COL5A3: variants seen among roughly 807,000 people sequenced by gnomAD.
The protein encoded by COL5A3 is collagen alpha-3(V) chain.
A neutral mutation model predicts 250.0 loss-of-function variants in COL5A3; 172 were observed. The observed-to-expected ratio is 0.69, with a 90% CI of 0.61 to 0.78. COL5A3 has a LOEUF of 0.78. Among genes scored for constraint, COL5A3 ranks in the 30% least tolerant of loss-of-function variants. The probability of loss-of-function intolerance (pLI) is 0.00; values close to 1 mark genes in which losing one functional copy is unlikely to be tolerated. For synonymous variants in COL5A3, 937 were observed against 900.4 expected (o/e 1.04, Z -0.73); for missense variants, 2,340 against 2,334.4 (o/e 1.00, Z -0.05).
At chr19:9,998,320 C>A (rs1454898656) in intron 8 of COL5A3, among the ~76,000 whole-genome samples, 171 bp from the exon 9 acceptor site, 1 of 152,102 alleles carries the variant, frequency 6.6e-6, no homozygotes. Flanking sequence ...AAGCTCAGCC[C>A]CCCGCATCCA....
Position 9,980,707 on chromosome 19 carries a change from A to G in COL5A3, c.2560-15T>C. 6.2e-7 allele frequency: 1 copy of G among 1,614,076 alleles called. No individual in the cohort carries two copies. The highest frequency in any genetic ancestry group is 8.5e-7 in the Non-Finnish European group (1 of 1,179,994). ...CCCACATCGCCCTAGGACAGAGTGA[A>G]TGAGACTCAGGCCCCAGAACAAACT... On this transcript the variant is annotated splice_polypyrimidine_tract_variant and intron_variant, in intron 34 of 66. Transcript: ENST00000264828.
intron 50 of COL5A3, 79 bp downstream of exon 50, chr19:9,973,491 A>T: frequency 2.8e-6 from 4 of 1,422,428 alleles, no homozygotes; most frequent in South Asian, 2.6e-5. Context: ...CACTGTCCAG[A>T]GGTCAAAGTG....
intron 54 of COL5A3, among the ~76,000 whole-genome samples, chr19:9,970,199 T>G (rs1199191402): frequency 1.0e-4 from 1 of 9,890 alleles, no homozygotes. Context: ...GGTCTGTGGG[T>G]GAGTGGGGGC....
chr19:10,004,045 G>C lies in COL5A3; in HGVS notation c.695C>G (p.Thr232Arg). The C allele has an allele frequency of 6.2e-7, 1 of 1,612,808 alleles. No homozygotes were observed. Residue 232 changes from threonine (T) to arginine (R), a missense_variant, in exon 5 of 67, where the codon ACA becomes AGA. This residue lies in a region of COL5A3 where 1,152 missense variants were observed against 1,146.3 expected (regional missense o/e 1.00). Coordinates refer to ENST00000264828, the MANE Select transcript of COL5A3 (RefSeq NM_015719.4). ...GTCATGGAGTCCCTCACTCACCACT[G>C]TGGCTGCCGGTGCCAGGTTGTCACA... ...PDCDNLAPAA[T>R]VAPQGEPETP...
chr19:10,010,386 C>G lies in COL5A3; in HGVS notation c.-1G>C, dbSNP rs1162661465. 2.0e-5 allele frequency: 29 copies of G among 1,433,664 alleles called. No individual in the cohort carries two copies. Among genetic ancestry groups the G allele is most frequent in the Non-Finnish European group, 2.6e-5 (28 of 1,088,404 alleles). 88.8% of individuals were successfully genotyped at this position (1,433,664 alleles called of 1,614,324 possible). A position where few individuals can be genotyped will look rare whatever the true frequency, so the allele number is the denominator to read the frequency against. On this transcript the variant is annotated 5_prime_UTR_variant, in exon 1 of 67. Transcript: ENST00000264828. Reference sequence around the variant, plus strand: ...GGCCCAGGTCCCGGCGGTTCCCCATCCCGGCGGGGCCCACGGGCAAGGCGG... The same window carrying G: ...GGCCCAGGTCCCGGCGGTTCCCCATGCCGGCGGGGCCCACGGGCAAGGCGG...
Position 10,010,373 on chromosome 19 carries a change from G to T in COL5A3, c.13C>A (p.Arg5=). Residue 5 remains arginine (R), a synonymous_variant, in exon 1 of 67, where the codon CGG becomes AGG. Transcript: ENST00000264828. ...CCGGCCCGCGGCTGGCCCAGGTCCCGGCGGTTCCCCATCCCGGCGGGGCCC... is the reference window on the plus strand; with the variant it reads ...CCGGCCCGCGGCTGGCCCAGGTCCCTGCGGTTCCCCATCCCGGCGGGGCCC... MGNR[R]DLGQPRAGLC... 1 of 1,451,260 alleles carries T rather than the reference G, an allele frequency of 6.9e-7. No individual in the cohort carries two copies. 89.9% of individuals were successfully genotyped at this position (1,451,260 alleles called of 1,614,324 possible). A position where few individuals can be genotyped will look rare whatever the true frequency, so the allele number is the denominator to read the frequency against.
chr19:9,977,898 G>T (rs985479496), intron 41 of COL5A3, among the ~76,000 whole-genome samples, 197 bp from the exon 42 acceptor site: 4 of 147,612 alleles, frequency 2.7e-5, no homozygotes, highest in African/African-American at 9.9e-5. Flanking sequence ...ACACTCCATG[G>T]CTCCCATCTC....
Position 9,968,167 on chromosome 19 carries a change from G to A in COL5A3, c.4315-88C>T. 1 of 1,331,416 alleles carries A rather than the reference G, an allele frequency of 7.5e-7. No individual in the cohort carries two copies. Among genetic ancestry groups the A allele is most frequent in the Non-Finnish European group, 1.0e-6 (1 of 958,800 alleles). 82.5% of individuals were successfully genotyped at this position (1,331,416 alleles called of 1,614,324 possible). A position where few individuals can be genotyped will look rare whatever the true frequency, so the allele number is the denominator to read the frequency against. ...AGACAAGCCTTCAATCCTACCAAAG[G>A]AAGACCCCGAACCCTAGACAAGCCT... is the stretch of plus-strand genomic sequence containing the variant. On this transcript the variant is annotated intron_variant, in intron 59 of 66. Coordinates refer to ENST00000264828, the MANE Select transcript of COL5A3 (RefSeq NM_015719.4). The surrounding 1 kb of genome is among the most constrained non-coding windows in gnomAD (Gnocchi z 4.1).
intron 27 of COL5A3, among the ~76,000 whole-genome samples, chr19:9,987,967 G>T (rs1251208964): frequency 3.3e-5 from 5 of 152,164 alleles, no homozygotes; most frequent in Non-Finnish European, 7.3e-5. Flanking sequence ...GGGTGTGGTG[G>T]CTCATGCCTG....
rs750802430 is a variant in COL5A3, at chr19:9,996,460, C to T, written c.1395G>A (p.Gln465=). The T allele has an allele frequency of 6.2e-7, 1 of 1,614,108 alleles. No individual in the cohort carries two copies. Among genetic ancestry groups the T allele is most frequent in the Admixed American group, 1.7e-5 (1 of 60,008 alleles). Residue 465 remains glutamine (Q), a synonymous_variant, in exon 13 of 67, where the codon CAG becomes CAA. Transcript: ENST00000264828. The stretch of plus-strand genomic sequence containing the variant: ...GAGTCTGCTGCAGAACTGCCTGAGC[C>T]TGGGCCTGCTGGAATGAGACTGGGG... The part of the protein sequence containing the change: ...KGPPVSFQQA[Q]AQAVLQQTQL...
Position 10,005,734 on chromosome 19 carries a change from G to T in COL5A3, c.438-20C>A, listed in dbSNP as rs1368945371. The T allele has an allele frequency of 2.5e-6, 4 of 1,600,926 alleles. No homozygotes were observed. Among genetic ancestry groups the T allele is most frequent in the Non-Finnish European group, 3.4e-6 (4 of 1,171,120 alleles). ...TGCCACCTGCAAGGGGACGGCCTCAGTGCGGGTGCTTCTCACCCCACCCCT... is the reference window on the plus strand; with the variant it reads ...TGCCACCTGCAAGGGGACGGCCTCATTGCGGGTGCTTCTCACCCCACCCCT... On this transcript the variant is annotated intron_variant, in intron 3 of 66. Transcript: ENST00000264828.
At position 9,977,604 on chromosome 19, in the gene COL5A3, T is replaced by A. The variant is rs554640667; in HGVS notation, c.3116A>T (p.Lys1039Met). Residue 1039 changes from lysine to methionine, a missense_variant, in exon 42 of 67, where the codon AAG becomes ATG. Coordinates refer to ENST00000264828, the MANE Select transcript of COL5A3 (RefSeq NM_015719.4). ...GGGCAAGTCACTTACCCGGGACCCC[T>A]TCTTGCCTGCAGGGCCAACGGGGCC... ...SEGPVGPAGK[K>M]GSRGERGPPG... is the part of the protein sequence containing the mutation. The A allele has an allele frequency of 6.3e-7, 1 of 1,592,534 alleles. No homozygotes were observed. Among genetic ancestry groups the A allele is most frequent in the Non-Finnish European group, 8.6e-7 (1 of 1,169,450 alleles).
chr19:9,965,150 CTT>C (rs931756823), intron 64 of COL5A3, among the ~76,000 whole-genome samples: 3 of 137,608 alleles, frequency 2.2e-5, no homozygotes, highest in African/African-American at 7.7e-5. Context: ...TTTTTCTTTT[CTT>C]TTTCTTTTTT....
At chr19:9,967,490 C>T (rs945357945) in intron 61 of COL5A3, 90 bp from the exon 62 acceptor site, 14 of 826,754 alleles carry the variant, frequency 1.7e-5, no homozygotes, top group South Asian at 7.1e-5. Flanking sequence ...CACTCACACA[C>T]ACACTCACAC....
rs2145155123 is a variant in COL5A3 at position 10,010,421 on chromosome 19, C to CG, written c.-37dup. The CG allele has an allele frequency of 7.6e-7, 1 of 1,323,514 alleles. No individual in the cohort carries two copies. The highest frequency in any genetic ancestry group is 9.8e-7 in the Non-Finnish European group (1 of 1,024,258). The allele number at this position is 1,323,514 out of a possible 1,614,324, so 82.0% of individuals were successfully genotyped here. A position where few individuals can be genotyped will look rare whatever the true frequency, so the allele number is the denominator to read the frequency against. Reference sequence around the variant, plus strand: ...CCCACGGGCAAGGCGGGGAACCAGTCGGGGCGGCTGCGGGGCGCGGCGACT... The same window carrying CG: ...CCCACGGGCAAGGCGGGGAACCAGTCGGGGGCGGCTGCGGGGCGCGGCGACT... On this transcript the variant is annotated 5_prime_UTR_variant, in exon 1 of 67. Transcript: ENST00000264828.
At chr19:9,963,043 A>G (rs1234432656) in intron 64 of COL5A3, among the ~76,000 whole-genome samples, 156 bp from the exon 65 acceptor site, 1 of 152,074 alleles carries the variant, frequency 6.6e-6, no homozygotes, top group African/African-American at 2.4e-5. Context: ...CAATGGGGGA[A>G]GGAGGTTCAT....
rs371939876 is a variant in COL5A3 at position 9,969,616 on chromosome 19, G to A, written c.4057C>T (p.Arg1353Cys). 20 of 1,602,452 alleles carry A rather than the reference G, an allele frequency of 1.2e-5. No homozygotes were observed. The highest frequency in any genetic ancestry group is 9.4e-5 in the African/African-American group (7 of 74,222). Residue 1353 changes from arginine to cysteine, a missense_variant, in exon 56 of 67, where the codon CGT (arginine) becomes TGT (cysteine). Around this residue, in one of 3 missense-constraint regions of COL5A3, gnomAD observed 1,179 missense variants for 1,162.6 expected, o/e 1.01. Transcript: ENST00000264828. ...CCTCGAAGACCCTCAGGCCCCACAC[G>A]TCCAGGGGGCCCTCTAGCCCCCATT... ...GPMGARGPPG[R>C]VGPEGLRGIP...
chr19:9,986,645 G>A (rs775745702), intron 28 of COL5A3, 39 bp from the exon 29 acceptor site: 1 of 1,613,754 alleles, frequency 6.2e-7, no homozygotes, highest in South Asian at 1.1e-5. Flanking sequence ...GAGGGCCTCG[G>A]GGAAGGGACA....
chr19:9,971,996 C>A (rs781086419), intron 51 of COL5A3, among the ~76,000 whole-genome samples: 23 of 152,224 alleles, frequency 1.5e-4, no homozygotes, highest in Non-Finnish European at 2.4e-4. Context: ...ACTCATCCAT[C>A]CATCCATTCG....
Sources: gnomAD v4.1 joint callset for allele counts (sites outside exome capture counted in the v4.1 genomes callset) on GRCh38, gnomAD v4.1.1 for gene constraint, gnomAD v4.1.1 regional missense constraint, Gnocchi (gnomAD v3.1) non-coding constraint, MANE v1.5 for transcripts, NCBI Gene and HGNC (gene_info 2026-07-23, HGNC 2026-07-21) for gene names.